Variants in SLC24A3 observed in about 807,000 individuals in gnomAD.
The protein encoded by SLC24A3 is sodium/potassium/calcium exchanger 3.
Under a neutral mutation model 75.8 loss-of-function variants are expected in SLC24A3, and 28 were observed. That is an observed-to-expected ratio of 0.37 (90% confidence interval 0.27 to 0.51). The LOEUF (loss-of-function observed/expected upper bound fraction) is 0.51, where lower values mean the gene tolerates loss of function less well. SLC24A3 is among the 20% of genes least tolerant of loss of function. SLC24A3 has a pLI of 0.94. For missense variants in SLC24A3, 663 were observed against 847.8 expected (o/e 0.78, Z 2.71); for synonymous variants, 372 against 334.1 (o/e 1.11, Z -1.24).
chr20:19,631,939 G>A (rs1322057543), intron 6 of SLC24A3, among the ~76,000 whole-genome samples: 6 of 152,168 alleles, frequency 3.9e-5, no homozygotes, highest in African/African-American at 1.4e-4. Context: ...AAGTCTTTCT[G>A]TTGTCCTAAG....
chr20:19,578,937 T>C (rs1468413789), intron 3 of SLC24A3, among the ~76,000 whole-genome samples: 1 of 152,056 alleles, frequency 6.6e-6, no homozygotes, highest in Non-Finnish European at 1.5e-5. Context: ...TCAGTGGCAA[T>C]GAGGGCTCCC....
intron 2 of SLC24A3, among the ~76,000 whole-genome samples, chr20:19,505,804 A>G (rs1988454528): frequency 6.6e-6 from 1 of 152,190 alleles, no homozygotes; most frequent in Admixed American, 6.5e-5. Flanking sequence ...GGGCAGGGGA[A>G]CCTTTCTCAG....
chr20:19,381,854 C>T (rs886917275), intron 2 of SLC24A3, among the ~76,000 whole-genome samples: 2 of 152,090 alleles, frequency 1.3e-5, no homozygotes, highest in South Asian at 2.1e-4. Context: ...CAAAAATCTG[C>T]GTTTGTCTAG....
chr20:19,456,746 G>A (rs900712655), intron 2 of SLC24A3, among the ~76,000 whole-genome samples: 31 of 152,146 alleles, frequency 2.0e-4, no homozygotes, highest in African/African-American at 7.0e-4. Flanking sequence ...CTAGTCATTG[G>A]GCAAGACAGG....
At chr20:19,642,436 A>G (rs927521144) in intron 6 of SLC24A3, among the ~76,000 whole-genome samples, 1 of 152,216 alleles carries the variant, frequency 6.6e-6, no homozygotes, top group Non-Finnish European at 1.5e-5. Context: ...GTGCATAGGC[A>G]GCACTCTTGA....
intron 1 of SLC24A3, among the ~76,000 whole-genome samples, chr20:19,250,046 G>A (rs2122178090): frequency 6.6e-6 from 1 of 152,276 alleles, no homozygotes; most frequent in South Asian, 2.1e-4. Flanking sequence ...AGCATTCCAA[G>A]TGTACAGAGG....
intron 10 of SLC24A3, among the ~76,000 whole-genome samples, chr20:19,683,417 A>T (rs1375383241): frequency 6.6e-6 from 1 of 152,166 alleles, no homozygotes; most frequent in Non-Finnish European, 1.5e-5. Context: ...AGGGAGCTGG[A>T]CCCTTCGTGC....
At chr20:19,252,601 C>T (rs1373693222) in intron 1 of SLC24A3, among the ~76,000 whole-genome samples, 2 of 148,148 alleles carry the variant, frequency 1.3e-5, no homozygotes, top group Admixed American at 7.1e-5. Context: ...TCTTTTCTCT[C>T]TCTTTCAGCT....
chr20:19,609,043 A>C (rs1012934562), intron 6 of SLC24A3, among the ~76,000 whole-genome samples: 1 of 152,200 alleles, frequency 6.6e-6, no homozygotes, highest in African/African-American at 2.4e-5. Flanking sequence ...AGGCTCCTGC[A>C]ATTGAGGAAG....
At chr20:19,365,625 A>G (rs1046418191) in intron 2 of SLC24A3, among the ~76,000 whole-genome samples, 4 of 152,206 alleles carry the variant, frequency 2.6e-5, no homozygotes, top group East Asian at 1.9e-4. Flanking sequence ...TTGTAGATCA[A>G]TAAAAAATGA....
At chr20:19,283,552 T>C (rs1273443365) in intron 2 of SLC24A3, among the ~76,000 whole-genome samples, 1 of 152,186 alleles carries the variant, frequency 6.6e-6, no homozygotes, top group Non-Finnish European at 1.5e-5. Context: ...GAACTTGCAG[T>C]TGTCTTTGGA....
intron 15 of SLC24A3, among the ~76,000 whole-genome samples, chr20:19,704,357 A>G (rs1175576193): frequency 6.6e-6 from 1 of 152,218 alleles, no homozygotes; most frequent in Non-Finnish European, 1.5e-5. Context: ...CTGTATTCGC[A>G]TGGTCTCATC....
intron 1 of SLC24A3, among the ~76,000 whole-genome samples, chr20:19,225,897 C>G (rs983046540): frequency 6.6e-6 from 1 of 152,138 alleles, no homozygotes; most frequent in African/African-American, 2.4e-5. Flanking sequence ...GCTAAAAACA[C>G]TCAGATCCAG....
intron 1 of SLC24A3, among the ~76,000 whole-genome samples, chr20:19,262,105 A>G (rs925469611): frequency 3.3e-5 from 5 of 152,136 alleles, no homozygotes; most frequent in Non-Finnish European, 7.4e-5. Flanking sequence ...TCGCCTCTAT[A>G]CACAGAAAGA....
At chr20:19,696,280 G>A (rs6046258) in intron 13 of SLC24A3, 116,637 of 152,244 alleles carry the variant, frequency 0.77, 45,730 homozygotes, top group Non-Finnish European at 0.86. Flanking sequence ...TGGCCTCCCA[G>A]AGTGATAGGA....
intron 1 of SLC24A3, among the ~76,000 whole-genome samples, chr20:19,278,986 A>G (rs1474106175): frequency 1.3e-5 from 2 of 152,202 alleles, no homozygotes; most frequent in African/African-American, 4.8e-5. Context: ...TCCACCTAAA[A>G]AGTGGGACTA....
At chr20:19,463,781 A>G (rs961368588) in intron 2 of SLC24A3, among the ~76,000 whole-genome samples, 7 of 152,224 alleles carry the variant, frequency 4.6e-5, no homozygotes, top group African/African-American at 1.4e-4. Flanking sequence ...CTGAGAAAGC[A>G]GGGACAGGAT....
In SLC24A3 at chr20:19,322,468, G is replaced by C. The variant is rs369251285; in HGVS notation, c.271+41381G>C. On this transcript the variant is annotated intron_variant, in intron 2 of 16. Transcript: ENST00000328041. The stretch of plus-strand genomic sequence containing the variant: ...ATCCATTACCTTCATTGTTCTTTTT[G>C]GTTTTCAAATTGTCCCAATTTTGGA... 2.1e-4 allele frequency among the ~76,000 whole-genome samples: 30 copies of C among 145,574 alleles called. No homozygotes were observed. In the East Asian group the frequency reaches 6.2e-3, roughly 30 times the overall value.
At chr20:19,542,417 C>T (rs906397441) in intron 3 of SLC24A3, among the ~76,000 whole-genome samples, 1 of 152,144 alleles carries the variant, frequency 6.6e-6, no homozygotes, top group African/African-American at 2.4e-5. Context: ...GACTGGAAAC[C>T]ACGCCTAGGA....
Sources: gnomAD v4.1 joint callset for allele counts (sites outside exome capture counted in the v4.1 genomes callset) on GRCh38, gnomAD v4.1.1 for gene constraint, MANE v1.5 for transcripts, NCBI Gene and HGNC (gene_info 2026-07-23, HGNC 2026-07-21) for gene names.